Variants in RREB1 observed in about 807,000 individuals in gnomAD.
The protein encoded by RREB1 is ras responsive element binding protein 1.
Under a neutral mutation model 117.8 loss-of-function variants are expected in RREB1, and 27 were observed. The ratio of observed to expected loss-of-function variants is 0.23; its 90% CI spans 0.17 to 0.32. The LOEUF is 0.32. RREB1 is among the 10% of genes least tolerant of loss of function. The probability of loss-of-function intolerance (pLI) is 1.00; values close to 1 mark genes in which losing one functional copy is unlikely to be tolerated. For synonymous variants in RREB1, 1,298 were observed against 1,026.7 expected, an observed-to-expected ratio of 1.26 and a Z score of -5.05; for missense variants, 2,577 against 2,378.2, an observed-to-expected ratio of 1.08 and a Z score of -1.74.
chr6:7,231,934 A>G (rs1768011495), intron 10 of RREB1, 27 bp downstream of exon 10: 2 of 1,555,744 alleles, frequency 1.3e-6, no homozygotes, highest in Non-Finnish European at 1.7e-6. Flanking sequence ...GCTCCCAGGC[A>G]GTGAGTCCTA....
Position 7,230,766 on chromosome 6 carries a change from C to T in RREB1, c.2667C>T (p.Ala889=), listed in dbSNP as rs766732696. 1.6e-5 allele frequency: 26 copies of T among 1,612,072 alleles called. No individual in the cohort carries two copies. Among genetic ancestry groups the T allele is most frequent in the Non-Finnish European group, 2.0e-5 (24 of 1,178,770 alleles). Residue 889 remains alanine, a synonymous_variant, in exon 10 of 13, where the codon GCC becomes GCT. Transcript: ENST00000379938. ...PPHVSIKLEP[A]SSFAVDFNEP... is the part of the protein sequence containing the mutation. ...ATGTCTCGATCAAGTTGGAGCCCGCCAGTAGCTTTGCGGTGGACTTCAATG... is the reference window on the plus strand; with the variant it reads ...ATGTCTCGATCAAGTTGGAGCCCGCTAGTAGCTTTGCGGTGGACTTCAATG...
At position 7,193,326 on chromosome 6, in the gene RREB1, T is replaced by C. The variant is rs113296510; in HGVS notation, c.425+4004T>C. ...TCTGCTGTTGTTGGGTGGAGTGTTC[T>C]GTAGATTTGCTGTTGGGTCTAGTAG... is the stretch of plus-strand genomic sequence containing the variant. On this transcript the variant is annotated intron_variant, in intron 6 of 12. Transcript: ENST00000379938. 1.8e-4 allele frequency among the ~76,000 whole-genome samples: 27 copies of C among 152,362 alleles called. 2 individuals are homozygous for C. Among genetic ancestry groups the C allele is most frequent in the African/African-American group, 5.8e-4 (24 of 41,596 alleles).
chr6:7,161,101 GA>G (rs1763641358), intron 1 of RREB1, among the ~76,000 whole-genome samples: 1 of 152,130 alleles, frequency 6.6e-6, no homozygotes, highest in Non-Finnish European at 1.5e-5. Flanking sequence ...AAAGTGCTGG[GA>G]TTACAGGTGT....
chr6:7,193,981 T>A (rs1222108884), intron 6 of RREB1, among the ~76,000 whole-genome samples: 1 of 152,244 alleles, frequency 6.6e-6, no homozygotes, highest in African/African-American at 2.4e-5. Context: ...ACTCTTTTCC[T>A]CATTCTCAAC....
At chr6:7,136,033 C>T (rs183115516) in intron 1 of RREB1, among the ~76,000 whole-genome samples, 212 of 152,302 alleles carry the variant, frequency 1.4e-3, no homozygotes, top group African/African-American at 4.8e-3. Context: ...GGACCAGTAC[C>T]TCCTCCAACT....
Position 7,246,430 on chromosome 6 carries a change from A to G in RREB1, c.3980A>G (p.Gln1327Arg). 6.7e-7 allele frequency: 1 copy of G among 1,481,544 alleles called. No homozygotes were observed. 91.8% of individuals were successfully genotyped at this position (1,481,544 alleles called of 1,614,324 possible). ...DVGSHDSTDS[Q>R]SDAETAAAAG... ...CGCTGTGCTTGCCCCACAGACAGTC[A>G]GTCGGATGCGGAGACTGCAGCCGCC... The change falls in exon 12 of 13, where the codon CAG becomes CGG. Residue 1327 changes from glutamine (Q) to arginine (R), a missense_variant. Physicochemically the swap from Gln to Arg is conservative, Grantham distance 43 (BLOSUM62 1). Coordinates refer to ENST00000379938, the MANE Select transcript of RREB1 (RefSeq NM_001003699.4).
At chr6:7,141,575 T>G (rs920437782) in intron 1 of RREB1, among the ~76,000 whole-genome samples, 1 of 152,224 alleles carries the variant, frequency 6.6e-6, no homozygotes. Context: ...ATTATGTAAT[T>G]ATTTCCCCAA....
chr6:7,211,930 CT>C, intron 8 of RREB1: 1 of 555,864 alleles, frequency 1.8e-6, no homozygotes, highest in South Asian at 2.2e-5. Context: ...ACTGTGCCTT[CT>C]TTCTCTCAGC....
chr6:7,200,007 G>A (rs1421484369), intron 6 of RREB1, among the ~76,000 whole-genome samples: 2 of 152,156 alleles, frequency 1.3e-5, no homozygotes, highest in East Asian at 3.8e-4. Context: ...CTTCAAATTA[G>A]ATAAAAAGTG....
intron 12 of RREB1, among the ~76,000 whole-genome samples, chr6:7,247,546 A>AG (rs1254691275): frequency 1.3e-5 from 2 of 152,074 alleles, no homozygotes; most frequent in Non-Finnish European, 2.9e-5. Context: ...AGAGGTATCT[A>AG]GGAGAGGGTG....
At chr6:7,189,113 C>G in intron 5 of RREB1, 46 bp from the exon 6 acceptor site, 1 of 1,556,278 alleles carries the variant, frequency 6.4e-7, no homozygotes, top group Non-Finnish European at 8.7e-7. Context: ...AGCTGAGCTT[C>G]TGATGCACTT....
In RREB1 at chr6:7,230,088, C is replaced by T. The variant is rs954740092; in HGVS notation, c.1989C>T (p.Arg663=). 2 of 1,602,344 alleles carry T rather than the reference C, an allele frequency of 1.2e-6. No homozygotes were observed. Among genetic ancestry groups the T allele is most frequent in the Non-Finnish European group, 1.7e-6 (2 of 1,173,320 alleles). Residue 663 remains arginine (R), a synonymous_variant, in exon 10 of 13, where the codon CGC becomes CGT. Transcript: ENST00000379938. ...AFSGVLRAHV[R]SHLGISPYQC... ...CGGGGGTCTTGCGTGCCCACGTGCGCTCCCACCTGGGCATCTCGCCATACC... is the reference window on the plus strand; with the variant it reads ...CGGGGGTCTTGCGTGCCCACGTGCGTTCCCACCTGGGCATCTCGCCATACC...
chr6:7,177,832 C>CCT (rs1220757373), intron 2 of RREB1, among the ~76,000 whole-genome samples: 2 of 152,196 alleles, frequency 1.3e-5, no homozygotes, highest in East Asian at 3.8e-4. Context: ...AAGCGATTCT[C>CCT]CTATTTCAGC....
chr6:7,117,430 C>T (rs1275059306), intron 1 of RREB1, among the ~76,000 whole-genome samples: 1 of 75,964 alleles, frequency 1.3e-5, no homozygotes, highest in Non-Finnish European at 2.3e-5. Context: ...TTTTTTGAGA[C>T]GAAGTGTTTT....
chr6:7,218,035 T>G (rs1450720528), intron 8 of RREB1: 2 of 152,262 alleles, frequency 1.3e-5, no homozygotes, highest in Non-Finnish European at 2.9e-5. Context: ...TCCCACTGTG[T>G]GAAAAGCAGA....
chr6:7,236,243 C>G (rs1280677894), intron 10 of RREB1, among the ~76,000 whole-genome samples: 1 of 152,212 alleles, frequency 6.6e-6, no homozygotes, highest in Non-Finnish European at 1.5e-5. Context: ...TCCCTTTGCT[C>G]CAGTTCCTTG....
At chr6:7,214,637 G>T (rs1322345069) in intron 8 of RREB1, 2 of 152,306 alleles carry the variant, frequency 1.3e-5, no homozygotes, top group Non-Finnish European at 2.9e-5. Flanking sequence ...GCGGTGAACT[G>T]GGACAGTAGC....
rs1462423681 is a variant in RREB1, at chr6:7,117,413, T to G, written c.-285+9353T>G. 5.6e-5 allele frequency among the ~76,000 whole-genome samples: 3 copies of G among 53,470 alleles called. No individual in the cohort carries two copies. The Admixed American group carries it at 6.2e-4, about 11-fold the overall frequency. The allele number at this position is 53,470 out of a possible 152,430, so 35.1% of individuals were successfully genotyped here. On this transcript the variant is annotated intron_variant, in intron 1 of 12. Transcript: ENST00000379938. ...GTTTTTTTTTTTTTTTTTTTTTTTT[T>G]TTTTTTTTTTTTGAGACGAAGTGTT...
chr6:7,118,528 G>T (rs1489483091), intron 1 of RREB1, among the ~76,000 whole-genome samples: 1 of 152,126 alleles, frequency 6.6e-6, no homozygotes, highest in Non-Finnish European at 1.5e-5. Context: ...GTTTTCTATG[G>T]CTTGGTTAGT....
Sources: gnomAD v4.1 joint callset for allele counts (sites outside exome capture counted in the v4.1 genomes callset) on GRCh38, gnomAD v4.1.1 for gene constraint, MANE v1.5 for transcripts, NCBI Gene and HGNC (gene_info 2026-07-23, HGNC 2026-07-21) for gene names.